The following C8orf74 variants were observed in gnomAD, a reference collection of about 807,000 sequenced individuals.
C8orf74 encodes the protein uncharacterized protein C8orf74.
In C8orf74, 29 loss-of-function variants were observed where a neutral mutation model predicts 22.2. The ratio of observed to expected loss-of-function variants is 1.31; its 90% confidence interval spans 0.97 to 1.78. C8orf74 has a LOEUF of 1.78. Among genes scored for constraint, C8orf74 ranks in the 40% most tolerant of loss-of-function variants. C8orf74 has a pLI of 0.00. For missense variants in C8orf74, 515 were observed against 369.9 expected, an observed-to-expected ratio of 1.39 and a Z score of -3.22; for synonymous variants, 255 against 163.1, an observed-to-expected ratio of 1.56 and a Z score of -4.30.
chr8:10,688,403 T>A (rs143583133), intron 2 of C8orf74: 2 of 152,280 alleles, frequency 1.3e-5, no homozygotes, highest in South Asian at 2.1e-4. Flanking sequence ...GTGATGAAGT[T>A]GTGCAGCCTG....
In C8orf74 at chr8:10,674,676, C is replaced by G. The variant is rs749330586; in HGVS notation, c.79C>G (p.Leu27Val). The G allele has an allele frequency of 1.2e-6, 2 of 1,610,250 alleles. No individual in the cohort carries two copies. Among genetic ancestry groups the G allele is most frequent in the Admixed American group, 1.7e-5 (1 of 59,590 alleles). Residue 27 changes from leucine (L) to valine (V), a missense_variant, in exon 2 of 4, where the codon CTT becomes GTT. Leu to Val is a conservative substitution (Grantham distance 32). Coordinates refer to ENST00000304519, the MANE Select transcript of C8orf74 (RefSeq NM_001040032.2). ...ACAAGGTCGGGAGCGCCTGCGGAGG[C>G]TTCTGAACTGGGAGGAGTTTGACGA... is the stretch of plus-strand genomic sequence containing the variant. ...RPQGRERLRR[L>V]LNWEEFDEQR...
intron 2 of C8orf74, among the ~76,000 whole-genome samples, chr8:10,688,008 C>G (rs1051989902): frequency 2.0e-5 from 3 of 152,074 alleles, no homozygotes; most frequent in East Asian, 3.9e-4. Flanking sequence ...GAATTCAAGA[C>G]CAGCCTGGCC....
At chr8:10,692,290 G>A (rs961972007) in intron 2 of C8orf74, 6 of 152,422 alleles carry the variant, frequency 3.9e-5, no homozygotes, top group Non-Finnish European at 5.9e-5. Context: ...GATCCCCGCC[G>A]AGGCCTTGGC....
intron 2 of C8orf74, among the ~76,000 whole-genome samples, chr8:10,679,222 T>C (rs1799096507): frequency 6.6e-6 from 1 of 152,152 alleles, no homozygotes; most frequent in African/African-American, 2.4e-5. Context: ...GTGGTCAGCA[T>C]AGAGGAAGCC....
chr8:10,683,498 T>C (rs1451265458), intron 2 of C8orf74, among the ~76,000 whole-genome samples: 1 of 152,212 alleles, frequency 6.6e-6, no homozygotes, highest in Non-Finnish European at 1.5e-5. Flanking sequence ...AGGCTGGGAA[T>C]GGCACTGTGT....
At chr8:10,680,277 G>C (rs1277499864) in intron 2 of C8orf74, among the ~76,000 whole-genome samples, 1 of 152,192 alleles carries the variant, frequency 6.6e-6, no homozygotes, top group Non-Finnish European at 1.5e-5. Context: ...CCTTGAGAAC[G>C]ATAGTTTCCT....
Position 10,697,685 on chromosome 8 carries a change from C to G in C8orf74, c.328C>G (p.Leu110Val), listed in dbSNP as rs968423248. Residue 110 changes from leucine to valine, a missense_variant, in exon 3 of 4, where the codon CTC becomes GTC. Physicochemically the swap from Leu to Val is conservative, Grantham distance 32. Transcript: ENST00000304519. ...GHFNTTHLLA[L>V]CDYFHHTFIR... ...TTTCAACACCACCCACCTGCTGGCCCTCTGTGACTACTTCCACCACACCTT... is the reference window on the plus strand; with the variant it reads ...TTTCAACACCACCCACCTGCTGGCCGTCTGTGACTACTTCCACCACACCTT... 1.9e-6 allele frequency: 3 copies of G among 1,613,910 alleles called. No homozygotes were observed. In the African/African-American group the frequency reaches 4.0e-5, roughly 22 times the overall value.
At chr8:10,678,394 G>A (rs1799077475) in intron 2 of C8orf74, among the ~76,000 whole-genome samples, 1 of 152,156 alleles carries the variant, frequency 6.6e-6, no homozygotes, top group South Asian at 2.1e-4. Flanking sequence ...GGAGACACAA[G>A]GACCTGGGAA....
chr8:10,687,870 C>T (rs1799294047), intron 2 of C8orf74, among the ~76,000 whole-genome samples: 1 of 151,790 alleles, frequency 6.6e-6, no homozygotes, highest in African/African-American at 2.4e-5. Context: ...GAAAGTGTGC[C>T]CATTTAACAG....
chr8:10,699,428 T>C (rs537853154), intron 3 of C8orf74, among the ~76,000 whole-genome samples: 33 of 152,350 alleles, frequency 2.2e-4, no homozygotes, highest in African/African-American at 6.5e-4. Flanking sequence ...ATGCACAATT[T>C]TGCATATCTT....
intron 2 of C8orf74, among the ~76,000 whole-genome samples, chr8:10,675,310 C>T (rs988402434): frequency 2.0e-5 from 3 of 152,178 alleles, no homozygotes; most frequent in Non-Finnish European, 4.4e-5. Context: ...TTGCCCACTC[C>T]CTGGCCCTGT....
At chr8:10,672,852 G>T (rs950767136) in intron 1 of C8orf74, 139 bp downstream of exon 1, 1 of 726,976 alleles carries the variant, frequency 1.4e-6, no homozygotes, top group African/African-American at 1.8e-5. Context: ...AGGCTGTGAC[G>T]AGATGTGGGG....
chr8:10,690,416 G>A (rs1239710676), intron 2 of C8orf74, among the ~76,000 whole-genome samples: 1 of 152,294 alleles, frequency 6.6e-6, no homozygotes, highest in African/African-American at 2.4e-5. Context: ...AGGGGGCAAT[G>A]CGGCGTGCGG....
At position 10,697,971 on chromosome 8, in the gene C8orf74, C is replaced by T. The variant is rs369294659; in HGVS notation, c.614C>T (p.Ala205Val). 5 of 1,521,772 alleles carry T rather than the reference C, an allele frequency of 3.3e-6. No individual in the cohort carries two copies. The highest frequency in any genetic ancestry group is 1.9e-5 in the Admixed American group (1 of 51,636). The allele number at this position is 1,521,772 out of a possible 1,614,324, so 94.3% of individuals were successfully genotyped here. The change falls in exon 3 of 4, where the codon GCG becomes GTG. Residue 205 changes from alanine to valine, a missense_variant. By Grantham distance (64) the Ala-to-Val change is moderately conservative. Transcript: ENST00000304519. The part of the protein sequence containing the change: ...NSLQKAFAAA[A>V]PAQPGQVLER... ...CTGCAGAAGGCGTTCGCTGCCGCCG[C>T]GCCTGCGCAGCCCGGCCAGGTCCTG...
At chr8:10,680,159 ACGCTCCTTCCACACTGCAAGCAC>A (rs1246604080) in intron 2 of C8orf74, among the ~76,000 whole-genome samples, 2 of 152,212 alleles carry the variant, frequency 1.3e-5, no homozygotes, top group Non-Finnish European at 2.9e-5. Flanking sequence ...TGCCCCAGTG[ACGCTCCTTCCACACTGCAAGCAC>A]CGCCAATGTG....
intron 2 of C8orf74, among the ~76,000 whole-genome samples, chr8:10,687,615 C>CAAAAAAAAAA (rs374455264): frequency 3.8e-5 from 2 of 53,070 alleles, no homozygotes; most frequent in Admixed American, 2.1e-4. Context: ...GACTCCATCT[C>CAAAAAAAAAA]AAAAAAAAAA....
chr8:10,683,513 G>A (rs1217930355), intron 2 of C8orf74, among the ~76,000 whole-genome samples: 1 of 152,236 alleles, frequency 6.6e-6, no homozygotes, highest in Non-Finnish European at 1.5e-5. Context: ...CTGTGTCCCT[G>A]AGACTGTGGG....
intron 2 of C8orf74, chr8:10,687,386 A>C (rs1799283315): frequency 7.4e-6 from 2 of 270,054 alleles, no homozygotes; most frequent in South Asian, 6.9e-5. Flanking sequence ...GCAATGGCTA[A>C]CACATGTAAT....
At chr8:10,681,175 A>C (rs1171951113) in intron 2 of C8orf74, among the ~76,000 whole-genome samples, 1 of 151,880 alleles carries the variant, frequency 6.6e-6, no homozygotes, top group Non-Finnish European at 1.5e-5. Context: ...GCAGGGAGGG[A>C]AGGTGGCCCT....
Sources: gnomAD v4.1 joint callset for allele counts (sites outside exome capture counted in the v4.1 genomes callset) on GRCh38, gnomAD v4.1.1 for gene constraint, MANE v1.5 for transcripts, NCBI Gene and HGNC (gene_info 2026-07-23, HGNC 2026-07-21) for gene names.